The following KSR2 variants were observed in gnomAD, a reference collection of about 807,000 sequenced individuals.
KSR2 encodes the protein kinase suppressor of ras 2.
Under a neutral mutation model 107.8 loss-of-function variants are expected in KSR2, and 25 were observed. That is an observed-to-expected ratio of 0.23 (90% CI 0.17 to 0.32). The LOEUF (loss-of-function observed/expected upper bound fraction) is 0.32. Among genes scored for constraint, KSR2 ranks in the 10% least tolerant of loss-of-function variants. The pLI is 1.00. For synonymous variants in KSR2, 480 were observed against 507.0 expected, an observed-to-expected ratio of 0.95 and a Z score of 0.71; for missense variants, 887 against 1,268.9, an observed-to-expected ratio of 0.70 and a Z score of 4.57.
At chr12:117,838,945 G>A (rs1027079163) in intron 3 of KSR2, among the ~76,000 whole-genome samples, 8 of 152,310 alleles carry the variant, frequency 5.3e-5, no homozygotes, top group South Asian at 4.1e-4. Flanking sequence ...ATGTTGCAGC[G>A]TGAAAACAGC....
intron 5 of KSR2, among the ~76,000 whole-genome samples, chr12:117,614,239 A>G (rs1043986248): frequency 2.6e-5 from 4 of 152,184 alleles, no homozygotes; most frequent in African/African-American, 9.7e-5. Context: ...AAAAGGATGT[A>G]CCCAGACTGG....
At chr12:117,508,468 C>T (rs1190666900) in intron 14 of KSR2, among the ~76,000 whole-genome samples, 3 of 151,706 alleles carry the variant, frequency 2.0e-5, no homozygotes, top group Non-Finnish European at 4.4e-5. Flanking sequence ...TGGATGGGTG[C>T]ATGAATGGAT....
intron 3 of KSR2, among the ~76,000 whole-genome samples, chr12:117,777,139 TTA>T (rs557336353): frequency 9.1e-4 from 124 of 136,672 alleles, no homozygotes; most frequent in African/African-American, 2.0e-3. Context: ...ATACACTATA[TTA>T]TATATATATA....
At chr12:117,914,197 G>A (rs1375800616) in intron 1 of KSR2, among the ~76,000 whole-genome samples, 2 of 152,170 alleles carry the variant, frequency 1.3e-5, no homozygotes, top group Non-Finnish European at 2.9e-5. Context: ...GTGGGGCCAA[G>A]ATGGCCAGAT....
intron 3 of KSR2, among the ~76,000 whole-genome samples, chr12:117,840,426 T>C (rs1053374508): frequency 6.6e-6 from 1 of 151,890 alleles, no homozygotes; most frequent in Non-Finnish European, 1.5e-5. Context: ...GATGGAATCT[T>C]GCTCTGTTGC....
At chr12:117,601,390 G>A (rs530616790) in intron 5 of KSR2, among the ~76,000 whole-genome samples, 2 of 152,116 alleles carry the variant, frequency 1.3e-5, no homozygotes, top group South Asian at 4.2e-4. Flanking sequence ...TTTGGAAATA[G>A]GGTCTTTGCA....
At chr12:117,876,246 G>A (rs1893845517) in intron 1 of KSR2, among the ~76,000 whole-genome samples, 1 of 152,220 alleles carries the variant, frequency 6.6e-6, no homozygotes, top group Non-Finnish European at 1.5e-5. Context: ...AGAATTATTT[G>A]ACTGGAGAAC....
intron 4 of KSR2, among the ~76,000 whole-genome samples, chr12:117,694,028 G>A (rs1593138162): frequency 6.6e-6 from 1 of 152,182 alleles, no homozygotes; most frequent in Non-Finnish European, 1.5e-5. Flanking sequence ...TAAGTGAAAG[G>A]GTTAACCAAA....
chr12:117,632,724 G>A (rs1014238833), intron 5 of KSR2, among the ~76,000 whole-genome samples: 1 of 152,122 alleles, frequency 6.6e-6, no homozygotes. Flanking sequence ...GGTGTCTGTT[G>A]TTCCTTTCTC....
Position 117,466,253 on chromosome 12 carries a change from C to T in KSR2, c.*946G>A, listed in dbSNP as rs2137105146. On this transcript the variant is annotated 3_prime_UTR_variant, in exon 20 of 20. Coordinates refer to ENST00000339824, the MANE Select transcript of KSR2 (RefSeq NM_173598.6). ...CACCTTGGTGGGGGAATAAGCTTCA[C>T]TGGTGTGAGTAGCAGAGAAGAGGGA... 6.6e-6 allele frequency: 1 copy of T among 152,338 alleles called. No individual in the cohort carries two copies. Among genetic ancestry groups the T allele is most frequent in the Admixed American group, 6.5e-5 (1 of 15,306 alleles). The allele number at this position is 152,338 out of a possible 1,614,324, so 9.4% of individuals were successfully genotyped here. A position where few individuals can be genotyped will look rare whatever the true frequency, so the allele number is the denominator to read the frequency against.
intron 14 of KSR2, among the ~76,000 whole-genome samples, chr12:117,522,495 T>C (rs917940107): frequency 6.6e-6 from 1 of 152,012 alleles, no homozygotes; most frequent in Non-Finnish European, 1.5e-5. Context: ...TGATGATATA[T>C]ACTGGGTAAG....
chr12:117,504,916 T>C (rs1359078956), intron 14 of KSR2, among the ~76,000 whole-genome samples: 1 of 152,140 alleles, frequency 6.6e-6, no homozygotes, highest in Non-Finnish European at 1.5e-5. Context: ...CTTCTCCCAT[T>C]CTCCCCATTC....
rs368348076 is a variant in KSR2, at chr12:117,968,098, T to C, written c.158A>G (p.Gln53Arg). Residue 53 changes from glutamine (Q) to arginine (R), a missense_variant, in exon 1 of 20, where the codon CAA (glutamine) becomes CGA (arginine). Around this residue, in one of 8 missense-constraint regions of KSR2, gnomAD observed 21 missense variants for 57.8 expected, o/e 0.36. Transcript: ENST00000339824. ...TKCATSNDLT[Q>R]KEIRTLESKL... is the part of the protein sequence containing the mutation. Reference sequence around the variant, plus strand: ...TACCTCCAGGGTCCGGATTTCTTTTTGTGTGAGGTCGTTGGAGGTAGCACA... The same window carrying C: ...TACCTCCAGGGTCCGGATTTCTTTTCGTGTGAGGTCGTTGGAGGTAGCACA... 6.2e-7 allele frequency: 1 copy of C among 1,605,452 alleles called. No homozygotes were observed. Among genetic ancestry groups the C allele is most frequent in the Non-Finnish European group, 8.5e-7 (1 of 1,177,840 alleles).
At chr12:117,736,441 T>TCC in intron 4 of KSR2, among the ~76,000 whole-genome samples, 1 of 152,298 alleles carries the variant, frequency 6.6e-6, no homozygotes, top group Middle Eastern at 3.4e-3. Context: ...CGAGTAACTA[T>TCC]TCGTTGAATT....
intron 4 of KSR2, among the ~76,000 whole-genome samples, chr12:117,678,762 A>T (rs900246985): frequency 6.6e-5 from 10 of 152,302 alleles, no homozygotes; most frequent in African/African-American, 2.4e-4. Flanking sequence ...ACAATGGACA[A>T]CATGATGTGG....
At chr12:117,856,285 C>G (rs571591951) in intron 2 of KSR2, among the ~76,000 whole-genome samples, 2 of 152,224 alleles carry the variant, frequency 1.3e-5, no homozygotes, top group Non-Finnish European at 2.9e-5. Flanking sequence ...GAACTTTCAC[C>G]GCCACCCCAT....
intron 5 of KSR2, among the ~76,000 whole-genome samples, chr12:117,586,334 C>G (rs1879990045): frequency 6.6e-6 from 1 of 151,942 alleles, no homozygotes; most frequent in Admixed American, 6.6e-5. Context: ...CACCTGTAAT[C>G]ACAATACTTT....
intron 4 of KSR2, among the ~76,000 whole-genome samples, chr12:117,757,036 CAG>C (rs1888819619): frequency 7.1e-6 from 1 of 139,864 alleles, no homozygotes; most frequent in African/African-American, 2.7e-5. Flanking sequence ...GCCTGGGTGA[CAG>C]AGTGAGACTC....
chr12:117,863,731 A>G (rs1039148463), intron 1 of KSR2, among the ~76,000 whole-genome samples: 3 of 152,270 alleles, frequency 2.0e-5, no homozygotes, highest in Non-Finnish European at 4.4e-5. Flanking sequence ...TCACGGGGCT[A>G]AAGTCAAGAT....
Sources: gnomAD v4.1 joint callset for allele counts (sites outside exome capture counted in the v4.1 genomes callset) on GRCh38, gnomAD v4.1.1 for gene constraint, gnomAD v4.1.1 regional missense constraint, MANE v1.5 for transcripts, NCBI Gene and HGNC (gene_info 2026-07-23, HGNC 2026-07-21) for gene names.